The following TSHZ3 variants were observed in gnomAD, a reference collection of about 807,000 sequenced individuals.
TSHZ3 encodes teashirt homolog 3.
Under a neutral mutation model 64.5 loss-of-function variants are expected in TSHZ3, and 10 were observed. The ratio of observed to expected loss-of-function variants is 0.16; its 90% CI spans 0.10 to 0.26. The LOEUF (loss-of-function observed/expected upper bound fraction) is 0.26. Ranked by LOEUF, TSHZ3 falls within the 10% of genes least tolerant of loss-of-function variation. The probability of loss-of-function intolerance (pLI) is 1.00; values close to 1 mark genes in which losing one functional copy is unlikely to be tolerated. For missense variants in TSHZ3, 1,242 were observed against 1,421.7 expected (o/e 0.87, Z 2.03); for synonymous variants, 608 against 593.1 (o/e 1.03, Z -0.36).
chr19:31,348,058 C>T lies in TSHZ3; in HGVS notation c.40+1122G>A, dbSNP rs538736381. Among the ~76,000 whole-genome samples the T allele has an allele frequency of 6.6e-5, 10 of 152,342 alleles. No individual in the cohort carries two copies. In the South Asian group the frequency reaches 2.1e-3, roughly 32 times the overall value. On this transcript the variant is annotated intron_variant, in intron 1 of 1. Transcript: ENST00000240587. Reference sequence around the variant, plus strand: ...AGAAAGGAAGCCCCACTTAACCCTCCCCTTCAGGGAGCATCTGAACCTCTG... The same window carrying T: ...AGAAAGGAAGCCCCACTTAACCCTCTCCTTCAGGGAGCATCTGAACCTCTG...
chr19:31,300,778 A>T (rs1307653463), intron 1 of TSHZ3, among the ~76,000 whole-genome samples: 1 of 152,066 alleles, frequency 6.6e-6, no homozygotes, highest in Non-Finnish European at 1.5e-5. Flanking sequence ...CACAGCCCCA[A>T]ATGCATTAAT....
At chr19:31,246,531 G>T (rs114529830) in intron 1 of TSHZ3, among the ~76,000 whole-genome samples, 318 of 152,138 alleles carry the variant, frequency 2.1e-3, no homozygotes, top group African/African-American at 7.5e-3. Flanking sequence ...AAGGGGAGGA[G>T]GAGACAGAAT....
chr19:31,299,486 A>G (rs1976719310), intron 1 of TSHZ3, among the ~76,000 whole-genome samples: 1 of 152,168 alleles, frequency 6.6e-6, no homozygotes, highest in South Asian at 2.1e-4. Context: ...TTCTTGATCA[A>G]GAGGGAAAGT....
At chr19:31,161,741 T>C (rs1326399717) in intron 5 of TSHZ3, among the ~76,000 whole-genome samples, 1 of 152,226 alleles carries the variant, frequency 6.6e-6, no homozygotes, top group Admixed American at 6.5e-5. Flanking sequence ...ATTCTGTTCC[T>C]TTGCCATGCT....
intron 1 of TSHZ3, among the ~76,000 whole-genome samples, chr19:31,304,388 A>G (rs1976805437): frequency 6.6e-6 from 1 of 152,064 alleles, no homozygotes; most frequent in Non-Finnish European, 1.5e-5. Flanking sequence ...TGTGGCCCCC[A>G]CACCCATAAC....
chr19:31,313,178 C>A (rs756113379), intron 1 of TSHZ3, among the ~76,000 whole-genome samples: 10 of 152,174 alleles, frequency 6.6e-5, no homozygotes, highest in Non-Finnish European at 8.8e-5. Context: ...CAGGTGAGGG[C>A]TTTGCTCTGC....
chr19:31,308,851 C>T, intron 1 of TSHZ3: 1 of 394,334 alleles, frequency 2.5e-6, no homozygotes, highest in Non-Finnish European at 4.5e-6. Flanking sequence ...AAAATGAGGC[C>T]CCAAACAGAG....
chr19:31,196,497 T>C (rs1322203629), intron 5 of TSHZ3, among the ~76,000 whole-genome samples: 1 of 151,976 alleles, frequency 6.6e-6, no homozygotes, highest in South Asian at 2.1e-4. Context: ...TGAATGCCAA[T>C]GGTTAAAATA....
intron 4 of TSHZ3, among the ~76,000 whole-genome samples, chr19:31,219,001 A>T (rs1411418568): frequency 6.6e-6 from 1 of 152,208 alleles, no homozygotes; most frequent in Non-Finnish European, 1.5e-5. Flanking sequence ...TCTTACTTGC[A>T]GAAGGAGATG....
chr19:31,218,672 G>A lies in TSHZ3; in HGVS notation n.686+9333C>T, dbSNP rs192813106. Among the ~76,000 whole-genome samples, 382 of 152,164 alleles carry A rather than the reference G, an allele frequency of 2.5e-3. 2 individuals are homozygous for A. Among genetic ancestry groups the A allele is most frequent in the South Asian group, 5.0e-3 (24 of 4,818 alleles). On this transcript the variant is annotated intron_variant and non_coding_transcript_variant, in intron 4 of 6. Coordinates refer to the TSHZ3 transcript ENST00000651361. ...CCAAGTCATCCTTCAGTAGTTCAAC[G>A]GATGAATAAACTGGTTCATCCAGAC...
At chr19:31,339,735 G>T (rs1277601498) in intron 1 of TSHZ3, among the ~76,000 whole-genome samples, 1 of 151,896 alleles carries the variant, frequency 6.6e-6, no homozygotes, top group East Asian at 1.9e-4. Context: ...CTTAGGGCAG[G>T]GTGATGGGAG....
rs143415031 is a variant in TSHZ3 at position 31,161,149 on chromosome 19, G to A, written n.810-4732C>T. On this transcript the variant is annotated intron_variant and non_coding_transcript_variant, in intron 5 of 6. Coordinates refer to the TSHZ3 transcript ENST00000651361. Reference sequence around the variant, plus strand: ...TCACCACACATATATGAATGCCTCTGTATGTGTATAAACACATAATAAAAG... The same window carrying A: ...TCACCACACATATATGAATGCCTCTATATGTGTATAAACACATAATAAAAG... 2.5e-3 allele frequency among the ~76,000 whole-genome samples: 376 copies of A among 152,260 alleles called. 2 individuals carry two copies. Among genetic ancestry groups the A allele is most frequent in the African/African-American group, 8.1e-3 (335 of 41,548 alleles).
chr19:31,158,850 A>G (rs2145100961), intron 5 of TSHZ3, among the ~76,000 whole-genome samples: 1 of 152,184 alleles, frequency 6.6e-6, no homozygotes, highest in South Asian at 2.1e-4. Flanking sequence ...TGGTGCTCCT[A>G]TGAGAATCGA....
intron 1 of TSHZ3, among the ~76,000 whole-genome samples, chr19:31,339,758 G>A (rs536494207): frequency 2.7e-5 from 4 of 150,490 alleles, no homozygotes; most frequent in East Asian, 4.0e-4. Context: ...CTGGGAAATC[G>A]TACTCCATCC....
rs746155760 is a variant in TSHZ3 at position 31,279,041 on chromosome 19, G to T, written c.752C>A (p.Pro251His). 6.2e-7 allele frequency: 1 copy of T among 1,613,974 alleles called. No individual in the cohort carries two copies. The highest frequency in any genetic ancestry group is 8.5e-7 in the Non-Finnish European group (1 of 1,180,004). The change falls in exon 2 of 2, where the codon CCC becomes CAC. Residue 251 changes from proline (P) to histidine (H), a missense_variant. Pro to His is a moderately conservative substitution (Grantham distance 77). This residue lies in a region of TSHZ3 where 555 missense variants were observed against 704.0 expected (regional missense o/e 0.79). Transcript: ENST00000240587. The surrounding 1 kb of genome is among the most constrained non-coding windows in gnomAD (Gnocchi z 6.4). ...DDNHETDNNNPKRWSKPRKRS... is the reference protein window; with the variant it reads ...DDNHETDNNNHKRWSKPRKRS... ...TTTGCGAGGCTTGGACCAGCGCTTGGGGTTGTTGTTATCGGTCTCATGGTT... is the reference window on the plus strand; with the variant it reads ...TTTGCGAGGCTTGGACCAGCGCTTGTGGTTGTTGTTATCGGTCTCATGGTT...
rs369136914 is a variant in TSHZ3 at position 31,151,965 on chromosome 19, C to G, written n.872-221G>C. 1.8e-3 allele frequency among the ~76,000 whole-genome samples: 271 copies of G among 152,224 alleles called. 8 individuals carry two copies. The South Asian group carries it at 0.056, about 31-fold the overall frequency. ...ATTCACACACACACAAAAGTTAACT[C>G]CATAACTTATTTCTTTGTGAGAACA... On this transcript the variant is annotated intron_variant and non_coding_transcript_variant, in intron 6 of 6. Transcript: ENST00000651361.
intron 1 of TSHZ3, among the ~76,000 whole-genome samples, chr19:31,345,283 G>A (rs1271594431): frequency 1.3e-5 from 2 of 152,220 alleles, no homozygotes; most frequent in Non-Finnish European, 2.9e-5. Flanking sequence ...ATACGTGGCA[G>A]GTATGAGACG....
chr19:31,308,989 G>A (rs373707715), intron 1 of TSHZ3, among the ~76,000 whole-genome samples: 29 of 152,354 alleles, frequency 1.9e-4, no homozygotes, highest in South Asian at 4.1e-4. Context: ...CCCCAAGGCC[G>A]GCCCAGGAGC....
rs940177789 is a variant in TSHZ3 at position 31,325,932 on chromosome 19, C to A, written c.40+23248G>T. Among the ~76,000 whole-genome samples, 2 of 152,148 alleles carry A rather than the reference C, an allele frequency of 1.3e-5. 1 individual carries two copies. The highest frequency in any genetic ancestry group is 4.1e-4 in the South Asian group (2 of 4,832). Reference sequence around the variant, plus strand: ...TGACTGAGATACATAGATTTGCCACCATTTTATTATGTACAATGTAATATA... The same window carrying A: ...TGACTGAGATACATAGATTTGCCACAATTTTATTATGTACAATGTAATATA... On this transcript the variant is annotated intron_variant, in intron 1 of 1. Coordinates refer to ENST00000240587, the MANE Select transcript of TSHZ3 (RefSeq NM_020856.4).
Sources: gnomAD v4.1 joint callset for allele counts (sites outside exome capture counted in the v4.1 genomes callset) on GRCh38, gnomAD v4.1.1 for gene constraint, gnomAD v4.1.1 regional missense constraint, Gnocchi (gnomAD v3.1) non-coding constraint, MANE v1.5 for transcripts, NCBI Gene and HGNC (gene_info 2026-07-23, HGNC 2026-07-21) for gene names.